The following LPIN2 variants were observed in gnomAD, a reference collection of about 807,000 sequenced individuals.
The protein encoded by LPIN2 is lipin 2.
LPIN2 carries 55 observed loss-of-function variants against 111.4 expected under a neutral mutation model. The observed-to-expected ratio is 0.49, with a 90% CI of 0.40 to 0.62. LPIN2 has a LOEUF of 0.62. Among genes scored for constraint, LPIN2 ranks in the 20% least tolerant of loss-of-function variants. The pLI is 0.00. For synonymous variants in LPIN2, 425 were observed against 414.0 expected (o/e 1.03, Z -0.32); for missense variants, 992 against 1,112.1 (o/e 0.89, Z 1.54).
At chr18:2,980,865 T>G (rs2078099984) in intron 1 of LPIN2, among the ~76,000 whole-genome samples, 1 of 152,214 alleles carries the variant, frequency 6.6e-6, no homozygotes, top group East Asian at 1.9e-4. Context: ...ATTACAAGTT[T>G]GGCTAAGAAC....
intron 9 of LPIN2, among the ~76,000 whole-genome samples, chr18:2,930,595 A>G (rs2077199682): frequency 6.6e-6 from 1 of 152,232 alleles, no homozygotes; most frequent in African/African-American, 2.4e-5. Flanking sequence ...AGAAAATCAT[A>G]CAGGGGCCAC....
At position 2,917,257 on chromosome 18, in the gene LPIN2, A is replaced by G. The variant is rs987663756; in HGVS notation, c.*3036T>C. 1.3e-5 allele frequency: 2 copies of G among 152,230 alleles called. No homozygotes were observed. Among genetic ancestry groups the G allele is most frequent in the African/African-American group, 4.8e-5 (2 of 41,454 alleles). The allele number at this position is 152,230 out of a possible 1,614,324, so 9.4% of individuals were successfully genotyped here. ...CCTTTCTTACTTTCAAACAAAACCAAAAGAGTAGTTTTCATCTGGAAAGAG... is the reference window on the plus strand; with the variant it reads ...CCTTTCTTACTTTCAAACAAAACCAGAAGAGTAGTTTTCATCTGGAAAGAG... On this transcript the variant is annotated 3_prime_UTR_variant, in exon 20 of 20. Transcript: ENST00000677752.
At chr18:2,982,764 A>T (rs1417554525) in intron 1 of LPIN2, 1 of 1,280,836 alleles carries the variant, frequency 7.8e-7, no homozygotes, top group Non-Finnish European at 1.0e-6. Flanking sequence ...CTTCTAAGTA[A>T]AACATCTTGA....
At chr18:2,947,242 C>T (rs560005859) in intron 4 of LPIN2, among the ~76,000 whole-genome samples, 40 of 152,262 alleles carry the variant, frequency 2.6e-4, no homozygotes, top group Middle Eastern at 6.8e-3. Context: ...ATATTTCCAT[C>T]GGTGGCATGT....
intron 18 of LPIN2, chr18:2,921,173 G>C (rs2077048576): frequency 3.6e-6 from 2 of 554,158 alleles, no homozygotes; most frequent in African/African-American, 3.8e-5. Flanking sequence ...CCCTGCAGAA[G>C]GGAGGCAGGT....
At chr18:2,937,352 T>G (rs538497177) in intron 7 of LPIN2, among the ~76,000 whole-genome samples, 13 of 152,016 alleles carry the variant, frequency 8.6e-5, no homozygotes, top group African/African-American at 2.9e-4. Flanking sequence ...GAGACCAGCC[T>G]GGCCAACATG....
intron 2 of LPIN2, among the ~76,000 whole-genome samples, chr18:2,959,847 G>T (rs1432110304): frequency 1.3e-5 from 2 of 151,962 alleles, no homozygotes; most frequent in East Asian, 3.8e-4. Context: ...ACAAAATGTG[G>T]CATTAATTAA....
At chr18:2,986,834 T>C (rs766582836) in intron 1 of LPIN2, among the ~76,000 whole-genome samples, 2 of 152,158 alleles carry the variant, frequency 1.3e-5, no homozygotes, top group Non-Finnish European at 1.5e-5. Context: ...CAGCCTAATT[T>C]AGGATCAGAG....
chr18:2,928,534 TAAGTACTAG>T, intron 11 of LPIN2, 48 bp downstream of exon 11: 1 of 1,493,832 alleles, frequency 6.7e-7, no homozygotes, highest in Non-Finnish European at 9.3e-7. Context: ...TGGATTTGTG[TAAGTACTAG>T]ACACTGCGGA....
chr18:2,991,050 C>T, intron 1 of LPIN2: 1 of 566,594 alleles, frequency 1.8e-6, no homozygotes, highest in Admixed American at 1.9e-5. Flanking sequence ...TGATGGTGCC[C>T]ACTTGGCCCA....
chr18:2,944,188 A>AAT (rs1418110453), intron 4 of LPIN2, among the ~76,000 whole-genome samples: 1 of 151,716 alleles, frequency 6.6e-6, no homozygotes, highest in Non-Finnish European at 1.5e-5. Context: ...CACAATATAT[A>AAT]ATCAACACTG....
At chr18:2,967,843 T>G (rs900965187) in intron 1 of LPIN2, among the ~76,000 whole-genome samples, 2 of 152,250 alleles carry the variant, frequency 1.3e-5, no homozygotes, top group Non-Finnish European at 2.9e-5. Context: ...TTTAGTTTTG[T>G]ATTATTTTAT....
chr18:2,934,384 T>A lies in LPIN2; in HGVS notation c.1235A>T (p.Glu412Val), dbSNP rs746576004. The change falls in exon 8 of 20, where the codon GAA becomes GTA. Residue 412 changes from glutamate (E) to valine (V), a missense_variant. By Grantham distance (121) the Glu-to-Val change is moderately radical. Transcript: ENST00000677752. ...GAAATAAAGAGCTGCAACTTCAGGT[T>A]CTAGACCCTTTAAGTCATCAAGGTA... The part of the protein sequence containing the change: ...DIYLDDLKGL[E>V]PEVAALYFPK... 3 of 1,613,806 alleles carry A rather than the reference T, an allele frequency of 1.9e-6. No individual in the cohort carries two copies. The highest frequency in any genetic ancestry group is 2.5e-6 in the Non-Finnish European group (3 of 1,179,786).
chr18:3,012,115 T>C (rs868508273), intron 1 of LPIN2, among the ~76,000 whole-genome samples: 57 of 152,168 alleles, frequency 3.7e-4, no homozygotes, highest in African/African-American at 1.2e-3. Flanking sequence ...ACACCCATCA[T>C]CACTACTGGG....
chr18:2,934,296 T>G, intron 8 of LPIN2, 55 bp downstream of exon 8: 1 of 1,236,556 alleles, frequency 8.1e-7, no homozygotes, highest in Admixed American at 1.7e-5. Context: ...TGTTTTACTC[T>G]AGAAATAACT....
Position 2,951,016 on chromosome 18 carries a change from G to A in LPIN2, c.590+39C>T, listed in dbSNP as rs774916195. 5 of 1,611,688 alleles carry A rather than the reference G, an allele frequency of 3.1e-6. No individual in the cohort carries two copies. The South Asian group carries it at 4.4e-5, about 14-fold the overall frequency. On this transcript the variant is annotated intron_variant, in intron 4 of 19. Transcript: ENST00000677752. The stretch of plus-strand genomic sequence containing the variant: ...AGCTCCTGGCTTCACATGAACTCTA[G>A]GTACCCGCACAAGACCCTTCCCAGG...
chr18:2,970,753 A>T lies in LPIN2; in HGVS notation c.-9-9904T>A, dbSNP rs537952768. On this transcript the variant is annotated intron_variant, in intron 1 of 19. Coordinates refer to ENST00000677752, the MANE Select transcript of LPIN2 (RefSeq NM_001375808.2). ...TTAATCTGTTGAGAAAAAAATTTTT[A>T]ATTTTTTAAAAATGAGAAAATATGA... Among the ~76,000 whole-genome samples the T allele has an allele frequency of 3.6e-4, 55 of 152,306 alleles. No homozygotes were observed. The South Asian group carries it at 0.011, about 30-fold the overall frequency.
Position 2,920,164 on chromosome 18 carries a change from G to A in LPIN2, c.*129C>T. The A allele has an allele frequency of 1.5e-6, 2 of 1,294,190 alleles. No individual in the cohort carries two copies. Among genetic ancestry groups the A allele is most frequent in the Non-Finnish European group, 2.2e-6 (2 of 909,834 alleles). 80.2% of individuals were successfully genotyped at this position (1,294,190 alleles called of 1,614,324 possible). Reference sequence around the variant, plus strand: ...TGGCCTGGGAAGGCAAAGGAGGATGGCGGGACCAGCTCCAGAAGCACCCGT... The same window carrying A: ...TGGCCTGGGAAGGCAAAGGAGGATGACGGGACCAGCTCCAGAAGCACCCGT... On this transcript the variant is annotated 3_prime_UTR_variant, in exon 20 of 20. Coordinates refer to ENST00000677752, the MANE Select transcript of LPIN2 (RefSeq NM_001375808.2).
Position 2,945,830 on chromosome 18 carries a change from T to C in LPIN2, c.591-5118A>G, listed in dbSNP as rs2143049541. ...CCTATACTGAAATGGTAACTTCACC[T>C]CCAGTCTGATGCCAGTCATGTCTAC... On this transcript the variant is annotated intron_variant, in intron 4 of 19. Coordinates refer to ENST00000677752, the MANE Select transcript of LPIN2 (RefSeq NM_001375808.2). The C allele has an allele frequency of 2.7e-6, 4 of 1,460,292 alleles. No individual in the cohort carries two copies. The South Asian group carries it at 3.4e-5, about 12-fold the overall frequency. 90.5% of individuals were successfully genotyped at this position (1,460,292 alleles called of 1,614,324 possible). A position where few individuals can be genotyped will look rare whatever the true frequency, so the allele number is the denominator to read the frequency against.
Sources: gnomAD v4.1 joint callset for allele counts (sites outside exome capture counted in the v4.1 genomes callset) on GRCh38, gnomAD v4.1.1 for gene constraint, MANE v1.5 for transcripts, NCBI Gene and HGNC (gene_info 2026-07-23, HGNC 2026-07-21) for gene names.